The following NRG1 variants were observed in gnomAD, a reference collection of about 807,000 sequenced individuals.
NRG1 encodes the protein pro-neuregulin-1, membrane-bound isoform.
In NRG1, 18 loss-of-function variants were observed where a neutral mutation model predicts 63.8. The observed-to-expected ratio is 0.28, with a 90% CI of 0.19 to 0.42. The LOEUF is 0.42. NRG1 is among the 10% of genes least tolerant of loss of function. The pLI, the probability that NRG1 is intolerant of heterozygous loss-of-function variation, is 1.00. For missense variants in NRG1, 762 were observed against 814.7 expected, an observed-to-expected ratio of 0.94 and a Z score of 0.79; for synonymous variants, 302 against 301.3, an observed-to-expected ratio of 1.00 and a Z score of -0.02.
intron 1 of NRG1, among the ~76,000 whole-genome samples, chr8:32,356,474 A>ACCCCCCC (rs11426642): frequency 4.3e-5 from 3 of 69,334 alleles, no homozygotes; most frequent in African/African-American, 1.2e-4. Context: ...CCTTGTTGGG[A>ACCCCCCC]CCCCCCCCCC....
intron 1 of NRG1, among the ~76,000 whole-genome samples, chr8:32,073,593 T>C (rs1178119031): frequency 6.6e-6 from 1 of 152,188 alleles, no homozygotes; most frequent in Non-Finnish European, 1.5e-5. Context: ...AATACCACCG[T>C]TGTTTTACAG....
chr8:31,736,641 C>CT (rs2131378245), intron 1 of NRG1, among the ~76,000 whole-genome samples: 2 of 152,278 alleles, frequency 1.3e-5, no homozygotes, highest in Non-Finnish European at 2.9e-5. Context: ...TTTAACATCT[C>CT]TGAGTCTCAA....
rs1282468813 is a variant in NRG1, at chr8:31,918,671, T to G, written c.37+279240T>G. Reference sequence around the variant, plus strand: ...TATTGGTCTAAAATTCTCTTTTTTGTTTGTGTCTCTGTCCGGCTTTGGTAT... The same window carrying G: ...TATTGGTCTAAAATTCTCTTTTTTGGTTGTGTCTCTGTCCGGCTTTGGTAT... On this transcript the variant is annotated intron_variant, in intron 1 of 10. Coordinates refer to the NRG1 transcript ENST00000519301. Among the ~76,000 whole-genome samples the G allele has an allele frequency of 1.7e-4, 26 of 152,170 alleles. No homozygotes were observed. In the East Asian group the frequency reaches 3.1e-3, roughly 18 times the overall value.
At chr8:32,623,873 T>C (rs1444853218) in intron 5 of NRG1, among the ~76,000 whole-genome samples, 1 of 152,244 alleles carries the variant, frequency 6.6e-6, no homozygotes, top group East Asian at 1.9e-4. Flanking sequence ...TAAAAAGTTT[T>C]GATTAAGCTT....
At chr8:31,674,565 T>G (rs1488686451) in intron 1 of NRG1, among the ~76,000 whole-genome samples, 5 of 152,154 alleles carry the variant, frequency 3.3e-5, no homozygotes, top group Non-Finnish European at 7.3e-5. Flanking sequence ...GTACTTTTTT[T>G]TTTTTTAAAG....
intron 1 of NRG1, among the ~76,000 whole-genome samples, chr8:32,000,447 T>G (rs1023452532): frequency 4.6e-5 from 7 of 151,878 alleles, no homozygotes; most frequent in Admixed American, 3.3e-4. Context: ...TTTATATATT[T>G]TTAAAGATGG....
rs185194791 is a variant in NRG1, at chr8:31,891,223, T to A, written c.37+251792T>A. 2.6e-5 allele frequency among the ~76,000 whole-genome samples: 4 copies of A among 152,210 alleles called. No individual in the cohort carries two copies. The East Asian group carries it at 5.8e-4, about 22-fold the overall frequency. On this transcript the variant is annotated intron_variant, in intron 1 of 10. Transcript: ENST00000519301. Reference sequence around the variant, plus strand: ...AAAGGATGGAAAGACAAGCTACAGATTGGGAGAAAATGTTTACAAACCAAA... The same window carrying A: ...AAAGGATGGAAAGACAAGCTACAGAATGGGAGAAAATGTTTACAAACCAAA...
At chr8:31,856,579 T>G (rs1018158342) in intron 1 of NRG1, among the ~76,000 whole-genome samples, 3 of 152,168 alleles carry the variant, frequency 2.0e-5, no homozygotes, top group Admixed American at 6.5e-5. Context: ...TAGCTCGGAG[T>G]AATTTGATTG....
chr8:32,116,432 A>G (rs1173945299), intron 1 of NRG1, among the ~76,000 whole-genome samples: 1 of 152,150 alleles, frequency 6.6e-6, no homozygotes, highest in Non-Finnish European at 1.5e-5. Context: ...GTCAGAGAGA[A>G]ACTCCCTCCT....
chr8:32,544,130 C>A (rs568040427), upstream of NRG1, among the ~76,000 whole-genome samples: 1 of 152,114 alleles, frequency 6.6e-6, no homozygotes, highest in South Asian at 2.1e-4. Flanking sequence ...AAATAGTATA[C>A]AATTGTCAAG....
intron 1 of NRG1, among the ~76,000 whole-genome samples, chr8:32,461,043 G>T (rs905698548): frequency 6.6e-6 from 1 of 152,224 alleles, no homozygotes; most frequent in Non-Finnish European, 1.5e-5. Flanking sequence ...ATGGGGCTCT[G>T]TCATTTACCC....
intron 1 of NRG1, among the ~76,000 whole-genome samples, chr8:31,660,179 G>A (rs532018683): frequency 7.2e-5 from 11 of 152,252 alleles, no homozygotes; most frequent in South Asian, 4.1e-4. Context: ...CCTGCCCTCC[G>A]TAATTCAGTA....
In NRG1 at chr8:31,640,773, G is replaced by T. The variant is rs1163687916; in HGVS notation, c.37+1342G>T. ...GGGGCGCGAACCCGCGGCGAGGAGGGCGCATCCCGGGCGCGCGGGCAGCGG... is the reference window on the plus strand; with the variant it reads ...GGGGCGCGAACCCGCGGCGAGGAGGTCGCATCCCGGGCGCGCGGGCAGCGG... On this transcript the variant is annotated intron_variant, in intron 1 of 10. Transcript: ENST00000519301. The surrounding 1 kb of genome is among the most constrained non-coding windows in gnomAD (Gnocchi z 6.3). The T allele has an allele frequency of 2.1e-6, 3 of 1,455,918 alleles. No homozygotes were observed. The highest frequency in any genetic ancestry group is 1.5e-5 in the African/African-American group (1 of 68,362). The allele number at this position is 1,455,918 out of a possible 1,614,324, so 90.2% of individuals were successfully genotyped here.
chr8:32,414,888 G>A (rs182874487), intron 1 of NRG1, among the ~76,000 whole-genome samples: 1 of 152,188 alleles, frequency 6.6e-6, no homozygotes, highest in African/African-American at 2.4e-5. Flanking sequence ...CTCAAACCTG[G>A]CAGCTGGAGG....
chr8:32,705,105 C>T (rs199626087), intron 5 of NRG1, among the ~76,000 whole-genome samples: 2 of 151,114 alleles, frequency 1.3e-5, no homozygotes, highest in East Asian at 3.9e-4. Flanking sequence ...TTAGGAATAG[C>T]AATCAGCATG....
chr8:32,270,304 T>C (rs975456843), intron 1 of NRG1, among the ~76,000 whole-genome samples: 22 of 152,218 alleles, frequency 1.4e-4, no homozygotes, highest in African/African-American at 5.1e-4. Flanking sequence ...AGAAGCAGGC[T>C]TTGATCCCAG....
intron 1 of NRG1, among the ~76,000 whole-genome samples, chr8:32,453,432 G>A (rs1821217412): frequency 6.6e-6 from 1 of 152,176 alleles, no homozygotes; most frequent in Non-Finnish European, 1.5e-5. Context: ...TATAAGGGGT[G>A]TATGCATTAG....
chr8:32,771,276 AT>A (rs553989637), downstream of NRG1, among the ~76,000 whole-genome samples: 3,722 of 92,468 alleles, frequency 0.04, 20 homozygotes, highest in Non-Finnish European at 0.048. Context: ...ATGCCCAGCG[AT>A]TTTTTTTTTT....
chr8:32,088,711 G>A (rs1828653203), intron 1 of NRG1, among the ~76,000 whole-genome samples: 1 of 151,838 alleles, frequency 6.6e-6, no homozygotes, highest in Admixed American at 6.6e-5. Context: ...GTAGAGATGG[G>A]GTTTCACCAC....
Sources: allele counts gnomAD v4.1 joint callset (sites outside exome capture counted in the v4.1 genomes callset), GRCh38; gene constraint gnomAD v4.1.1; non-coding constraint Gnocchi (gnomAD v3.1); transcripts MANE v1.5; gene names NCBI Gene and HGNC (gene_info 2026-07-23, HGNC 2026-07-21).